The following ZYG11B variants were observed in gnomAD, a reference collection of about 807,000 sequenced individuals.
The protein encoded by ZYG11B is zyg-11 family member B, cell cycle regulator, also known as protein zyg-11 homolog B.
ZYG11B carries 36 observed loss-of-function variants against 82.4 expected under a neutral mutation model. The observed-to-expected ratio is 0.44, with a 90% confidence interval of 0.33 to 0.58. The LOEUF (loss-of-function observed/expected upper bound fraction) is 0.58, where lower values mean the gene tolerates loss of function less well. Ranked by LOEUF, ZYG11B falls within the 20% of genes least tolerant of loss-of-function variation. ZYG11B has a pLI of 0.02. For missense variants in ZYG11B, 552 were observed against 895.6 expected (o/e 0.62, Z 4.90); for synonymous variants, 303 against 312.8 (o/e 0.97, Z 0.33).
intron 8 of ZYG11B, among the ~76,000 whole-genome samples, chr1:52,799,951 T>C (rs1645062182): frequency 6.6e-6 from 1 of 152,132 alleles, no homozygotes; most frequent in African/African-American, 2.4e-5. Flanking sequence ...CACAGTTTTC[T>C]TTGGGGTGAT....
intron 6 of ZYG11B, among the ~76,000 whole-genome samples, chr1:52,791,665 G>A (rs918504321): frequency 2.6e-5 from 4 of 152,184 alleles, no homozygotes; most frequent in African/African-American, 9.6e-5. Flanking sequence ...CACTGCGCCT[G>A]GCCTTCAAGC....
chr1:52,765,031 C>T (rs1644669875), intron 2 of ZYG11B, among the ~76,000 whole-genome samples: 1 of 151,702 alleles, frequency 6.6e-6, no homozygotes, highest in Non-Finnish European at 1.5e-5. Flanking sequence ...TAAACCACTG[C>T]TTCCAATTTT....
In ZYG11B at chr1:52,821,802, G is replaced by T; in HGVS notation, c.*173G>T. ...GTGAACAGTCTCTAATTTGTCTTGT[G>T]ATTTTAAACTTATGAGTCAAGAAGG... On this transcript the variant is annotated 3_prime_UTR_variant, in exon 14 of 14. Transcript: ENST00000294353. The T allele has an allele frequency of 4.0e-6, 2 of 504,898 alleles. No individual in the cohort carries two copies. Among genetic ancestry groups the T allele is most frequent in the Non-Finnish European group, 6.7e-6 (2 of 300,204 alleles). 31.3% of individuals were successfully genotyped at this position (504,898 alleles called of 1,614,324 possible). A position where few individuals can be genotyped will look rare whatever the true frequency, so the allele number is the denominator to read the frequency against.
At chr1:52,815,155 A>G (rs1191959391) in intron 12 of ZYG11B, among the ~76,000 whole-genome samples, 1 of 151,936 alleles carries the variant, frequency 6.6e-6, no homozygotes, top group South Asian at 2.1e-4. Context: ...GAGACTCTCA[A>G]AAAAGGAATA....
intron 4 of ZYG11B, among the ~76,000 whole-genome samples, chr1:52,783,986 A>ACG (rs1571776510): frequency 1.8e-4 from 8 of 45,632 alleles, no homozygotes; most frequent in South Asian, 4.8e-4. Flanking sequence ...ACACACACAC[A>ACG]TATATATATA....
chr1:52,760,317 G>A (rs1644617618), intron 2 of ZYG11B, among the ~76,000 whole-genome samples: 1 of 152,034 alleles, frequency 6.6e-6, no homozygotes, highest in Non-Finnish European at 1.5e-5. Context: ...GGTGGCGGGC[G>A]CCTGTAATCC....
intron 3 of ZYG11B, chr1:52,772,074 G>A: frequency 1.3e-6 from 1 of 748,488 alleles, no homozygotes. Context: ...TAAACAATAG[G>A]TTGTCTTATG....
intron 4 of ZYG11B, among the ~76,000 whole-genome samples, chr1:52,782,259 T>G (rs1644863056): frequency 6.6e-6 from 1 of 152,018 alleles, no homozygotes; most frequent in African/African-American, 2.4e-5. Context: ...GTTATTATTA[T>G]TATTGGTTTT....
In ZYG11B at chr1:52,783,912, C is replaced by A. The variant is rs1464945223; in HGVS notation, c.1093-965C>A. 6.5e-4 allele frequency among the ~76,000 whole-genome samples: 18 copies of A among 27,760 alleles called. No individual in the cohort carries two copies. The African/African-American group carries it at 0.014, about 22-fold the overall frequency. The allele number at this position is 27,760 out of a possible 152,430, so 18.2% of individuals were successfully genotyped here. A position where few individuals can be genotyped will look rare whatever the true frequency, so the allele number is the denominator to read the frequency against. ...TACATACACGTGTGTGTATATACAT[C>A]TATACATATATGTGTATATACATCT... On this transcript the variant is annotated intron_variant, in intron 4 of 13. Coordinates refer to ENST00000294353, the MANE Select transcript of ZYG11B (RefSeq NM_024646.3).
chr1:52,777,536 G>A (rs951114982), intron 3 of ZYG11B, among the ~76,000 whole-genome samples: 9 of 152,004 alleles, frequency 5.9e-5, no homozygotes, highest in African/African-American at 9.7e-5. Context: ...CCTCAAATTC[G>A]TGGGCTCAAG....
chr1:52,787,158 A>G (rs1644920006), intron 5 of ZYG11B, among the ~76,000 whole-genome samples: 1 of 152,228 alleles, frequency 6.6e-6, no homozygotes, highest in African/African-American at 2.4e-5. Flanking sequence ...GGAAACACCA[A>G]ACACCAAATG....
At chr1:52,769,389 A>G (rs75738997) in intron 2 of ZYG11B, among the ~76,000 whole-genome samples, 16,013 of 152,182 alleles carry the variant, frequency 0.11, 1,877 homozygotes, top group East Asian at 0.35. Flanking sequence ...TTAAAAAATG[A>G]TCATTTCAAC....
Position 52,809,271 on chromosome 1 carries a change from T to C in ZYG11B, c.1696-4265T>C, listed in dbSNP as rs185523272. Among the ~76,000 whole-genome samples, 182 of 152,344 alleles carry C rather than the reference T, an allele frequency of 1.2e-3. 2 individuals carry two copies. Among genetic ancestry groups the C allele is most frequent in the African/African-American group, 4.1e-3 (171 of 41,576 alleles). On this transcript the variant is annotated intron_variant, in intron 10 of 13. Transcript: ENST00000294353. The stretch of plus-strand genomic sequence containing the variant: ...TAGAACCATCACTACCACTCATCTC[T>C]GTAACTGTTTTCATCTTGTAAAACT...
chr1:52,803,015 G>A (rs183839961), intron 10 of ZYG11B, among the ~76,000 whole-genome samples: 37 of 139,380 alleles, frequency 2.7e-4, no homozygotes, highest in African/African-American at 8.2e-4. Context: ...GCAAGACTCC[G>A]TCTCAAAAAA....
At chr1:52,767,190 T>C (rs1192616419) in intron 2 of ZYG11B, among the ~76,000 whole-genome samples, 1 of 151,496 alleles carries the variant, frequency 6.6e-6, no homozygotes, top group African/African-American at 2.4e-5. Flanking sequence ...TACGTTATGT[T>C]ATTTTATTTT....
At chr1:52,762,276 A>G (rs1198544621) in intron 2 of ZYG11B, among the ~76,000 whole-genome samples, 1 of 145,668 alleles carries the variant, frequency 6.9e-6, no homozygotes, top group Non-Finnish European at 1.5e-5. Flanking sequence ...TGGTGTGGTC[A>G]TGGCTCACTG....
intron 2 of ZYG11B, among the ~76,000 whole-genome samples, chr1:52,767,695 A>G (rs183343232): frequency 6.6e-6 from 1 of 152,094 alleles, no homozygotes; most frequent in Non-Finnish European, 1.5e-5. Context: ...CTGACTCCCC[A>G]CTAGGATTCT....
chr1:52,783,727 A>T (rs1644876979), intron 4 of ZYG11B, among the ~76,000 whole-genome samples: 1 of 146,404 alleles, frequency 6.8e-6, no homozygotes, highest in South Asian at 2.1e-4. Flanking sequence ...GGCTCAGGTG[A>T]TCCTCCCACC....
intron 6 of ZYG11B, among the ~76,000 whole-genome samples, chr1:52,792,204 A>C (rs953700696): frequency 5.9e-5 from 9 of 152,050 alleles, no homozygotes; most frequent in Non-Finnish European, 1.2e-4. Flanking sequence ...GCTTGGGTGG[A>C]TATTTAGTGG....
Sources: gnomAD v4.1 joint callset for allele counts (sites outside exome capture counted in the v4.1 genomes callset) on GRCh38, gnomAD v4.1.1 for gene constraint, MANE v1.5 for transcripts, NCBI Gene and HGNC (gene_info 2026-07-23, HGNC 2026-07-21) for gene names.